Variants in SCN1A observed in about 807,000 individuals in gnomAD.
SCN1A encodes sodium channel protein type 1 subunit alpha.
In SCN1A, 13 loss-of-function variants were observed where a neutral mutation model predicts 193.7. The observed-to-expected ratio is 0.07, with a 90% CI of 0.04 to 0.11. The LOEUF (loss-of-function observed/expected upper bound fraction) is 0.11. SCN1A is among the 10% of genes least tolerant of loss of function. The pLI is 1.00. For synonymous variants in SCN1A, 781 were observed against 843.6 expected, an observed-to-expected ratio of 0.93 and a Z score of 1.29; for missense variants, 1,432 against 2,451.1, an observed-to-expected ratio of 0.58 and a Z score of 8.78.
rs1684712527 is a variant in SCN1A, at chr2:166,073,630, C to T, written c.-9G>A. ...AGCACTGTTTGCTCCATCTTGTCAT[C>T]CTGCACATTTTAATTACCATTTATT... On this transcript the variant is annotated 5_prime_UTR_variant, in exon 4 of 29. Transcript: ENST00000674923. 6.2e-7 allele frequency: 1 copy of T among 1,613,996 alleles called. No individual in the cohort carries two copies. Among genetic ancestry groups the T allele is most frequent in the African/African-American group, 1.3e-5 (1 of 75,010 alleles).
At chr2:166,041,690 T>A (rs986269557) in intron 15 of SCN1A, among the ~76,000 whole-genome samples, 1 of 152,170 alleles carries the variant, frequency 6.6e-6, no homozygotes, top group Non-Finnish European at 1.5e-5. Flanking sequence ...TAGTTTTTTG[T>A]CTTATGCACT....
intron 19 of SCN1A, among the ~76,000 whole-genome samples, chr2:166,026,044 A>G (rs1427272085): frequency 6.6e-6 from 1 of 152,114 alleles, no homozygotes; most frequent in Non-Finnish European, 1.5e-5. Context: ...TTGTGACTGG[A>G]TAACCCTATA....
intron 4 of SCN1A, chr2:166,071,936 A>C (rs1167581304): frequency 7.0e-6 from 1 of 143,788 alleles, no homozygotes; most frequent in Non-Finnish European, 1.5e-5. Context: ...TAAACTGACT[A>C]TATCCTGAAA....
chr2:166,063,920 A>G (rs1841548), intron 4 of SCN1A, among the ~76,000 whole-genome samples: 30,922 of 152,006 alleles, frequency 0.2, 3,406 homozygotes, highest in East Asian at 0.36. Flanking sequence ...AATCTCTGCT[A>G]TATTGGGCAG....
rs559536410 is a variant in SCN1A at position 166,023,757 on chromosome 2, C to T, written c.3430-8030G>A. Among the ~76,000 whole-genome samples, 4 of 148,632 alleles carry T rather than the reference C, an allele frequency of 2.7e-5. No individual in the cohort carries two copies. The East Asian group carries it at 5.9e-4, about 22-fold the overall frequency. ...ACATAGTGAGATCCTGCTGTCCCTA[C>T]TAAAAAAAAGAAAAAAAAATGATGT... On this transcript the variant is annotated intron_variant, in intron 19 of 28. Coordinates refer to ENST00000674923, the MANE Select transcript of SCN1A (RefSeq NM_001165963.4).
At chr2:165,993,178 A>AGTGTGTGTGT (rs1689494823) in intron 28 of SCN1A, 1 of 58,510 alleles carries the variant, frequency 1.7e-5, no homozygotes, top group African/African-American at 6.7e-5. Context: ...ACGAAGTGTA[A>AGTGTGTGTGT]GAGTGTGTGT....
chr2:166,008,920 G>A (rs569187421), intron 23 of SCN1A, among the ~76,000 whole-genome samples: 1 of 150,746 alleles, frequency 6.6e-6, no homozygotes, highest in African/African-American at 2.4e-5. Flanking sequence ...GTAAAAAAAG[G>A]CATGGAAAAT....
intron 19 of SCN1A, among the ~76,000 whole-genome samples, chr2:166,026,730 C>G (rs1262632008): frequency 1.6e-5 from 2 of 126,490 alleles, no homozygotes; most frequent in Non-Finnish European, 3.1e-5. Flanking sequence ...GTCGCTCAGG[C>G]TGGAGTGCAG....
intron 11 of SCN1A, among the ~76,000 whole-genome samples, chr2:166,047,228 C>T (rs1023787251): frequency 6.6e-6 from 1 of 151,990 alleles, no homozygotes; most frequent in East Asian, 1.9e-4. Context: ...AATAAAATGC[C>T]ATGGAGTCCT....
chr2:166,041,682 G>GT (rs1697210498), intron 15 of SCN1A, among the ~76,000 whole-genome samples: 1 of 152,286 alleles, frequency 6.6e-6, no homozygotes, highest in East Asian at 1.9e-4. Flanking sequence ...ACAATGGGTA[G>GT]TTTTTTGTCT....
chr2:166,108,053 C>T (rs1019777657), intron 2 of SCN1A, among the ~76,000 whole-genome samples: 1 of 151,686 alleles, frequency 6.6e-6, no homozygotes, highest in Non-Finnish European at 1.5e-5. Flanking sequence ...ATCTGATAAG[C>T]GATTGTATCT....
chr2:166,005,446 A>G (rs541076194), intron 23 of SCN1A, among the ~76,000 whole-genome samples: 5 of 151,538 alleles, frequency 3.3e-5, no homozygotes, highest in South Asian at 4.1e-4. Context: ...AGCGAACTCT[A>G]TGGAATTTAT....
At chr2:166,136,962 T>C (rs1319538242) in intron 1 of SCN1A, among the ~76,000 whole-genome samples, 1 of 152,192 alleles carries the variant, frequency 6.6e-6, no homozygotes, top group Non-Finnish European at 1.5e-5. Context: ...CCCAAGTTTC[T>C]CAATCCCTGG....
At chr2:166,033,664 A>G (rs575006904) in intron 19 of SCN1A, among the ~76,000 whole-genome samples, 21 of 152,332 alleles carry the variant, frequency 1.4e-4, no homozygotes, top group Admixed American at 8.5e-4. Flanking sequence ...AAAATACCAC[A>G]AAGTAGAAAG....
At chr2:166,068,245 T>C (rs368466317) in intron 4 of SCN1A, among the ~76,000 whole-genome samples, 2 of 152,218 alleles carry the variant, frequency 1.3e-5, no homozygotes, top group East Asian at 3.9e-4. Context: ...TTTTGGAAAC[T>C]TTCAGTTGAA....
intron 2 of SCN1A, among the ~76,000 whole-genome samples, chr2:166,080,899 G>A (rs1364432499): frequency 1.3e-5 from 2 of 151,768 alleles, no homozygotes; most frequent in Middle Eastern, 3.2e-3. Context: ...ATAATTAACA[G>A]ATTACCTTCT....
intron 28 of SCN1A, 111 bp downstream of exon 28, chr2:165,994,035 A>G (rs1422329574): frequency 2.2e-6 from 2 of 899,312 alleles, no homozygotes; most frequent in East Asian, 5.3e-5. Context: ...AAATGTATCA[A>G]AATATTTACA....
In SCN1A at chr2:166,073,385, G is replaced by A. The variant is rs1276982403; in HGVS notation, c.237C>T (p.Asp79=). Reference sequence around the variant, plus strand: ...TCTTATTGATATAGTAGGGGTCCAGGTCCTCCAGGGGCTCTGACACCATCT... The same window carrying A: ...TCTTATTGATATAGTAGGGGTCCAGATCCTCCAGGGGCTCTGACACCATCT... ...PPEMVSEPLE[D]LDPYYINKKT... is the part of the protein sequence containing the mutation. The change falls in exon 4 of 29, where the codon GAC becomes GAT. Residue 79 remains aspartate (D), a synonymous_variant. Coordinates refer to ENST00000674923, the MANE Select transcript of SCN1A (RefSeq NM_001165963.4). The A allele has an allele frequency of 1.2e-6, 2 of 1,614,064 alleles. No individual in the cohort carries two copies. Among genetic ancestry groups the A allele is most frequent in the Non-Finnish European group, 8.5e-7 (1 of 1,180,024 alleles).
At position 165,994,381 on chromosome 2, in the gene SCN1A, G is replaced by T; in HGVS notation, c.4617C>A (p.Thr1539=). 1.2e-6 allele frequency: 2 copies of T among 1,612,834 alleles called. No homozygotes were observed. Among genetic ancestry groups the T allele is most frequent in the Non-Finnish European group, 1.7e-6 (2 of 1,179,266 alleles). ...TGATGCTTATGTCAAAAACTTGTCT[G>T]GTTACGAAGTCAAAGACCATTCCTT... The part of the protein sequence containing the change: ...KFQGMVFDFV[T]RQVFDISIMI... The change falls in exon 28 of 29, where the codon ACC becomes ACA. Residue 1539 remains threonine (T), a synonymous_variant. Coordinates refer to ENST00000674923, the MANE Select transcript of SCN1A (RefSeq NM_001165963.4).
Sources: gnomAD v4.1 joint callset for allele counts (sites outside exome capture counted in the v4.1 genomes callset) on GRCh38, gnomAD v4.1.1 for gene constraint, MANE v1.5 for transcripts, NCBI Gene and HGNC (gene_info 2026-07-23, HGNC 2026-07-21) for gene names.